NUDT2: variants seen among roughly 807,000 people sequenced by gnomAD.
NUDT2 encodes nudix hydrolase 2, also known as bis(5'-nucleosyl)-tetraphosphatase [asymmetrical].
A neutral mutation model predicts 14.2 loss-of-function variants in NUDT2; 12 were observed. The ratio of observed to expected loss-of-function variants is 0.84; its 90% CI spans 0.54 to 1.37. The LOEUF is 1.37. NUDT2 is among the 40% of genes most tolerant of loss of function. The pLI is 0.00. For missense variants in NUDT2, 167 were observed against 176.7 expected, an observed-to-expected ratio of 0.95 and a Z score of 0.31; for synonymous variants, 67 against 67.4, an observed-to-expected ratio of 0.99 and a Z score of 0.03.
intron 3 of NUDT2, 72 bp downstream of exon 3, chr9:34,338,919 A>T: frequency 2.2e-6 from 2 of 924,862 alleles, no homozygotes; most frequent in Non-Finnish European, 3.2e-6. Context: ...CTATGAGATC[A>T]CAGTTAGCTA....
chr9:34,334,392 A>C (rs1217312447), intron 1 of NUDT2, among the ~76,000 whole-genome samples: 1 of 152,038 alleles, frequency 6.6e-6, no homozygotes, highest in Non-Finnish European at 1.5e-5. Flanking sequence ...TGGAGTTCTC[A>C]CCTCCGCAAT....
At chr9:34,332,985 T>TAGTCACATAGAATTGC (rs373007580) in intron 1 of NUDT2, among the ~76,000 whole-genome samples, 1 of 151,490 alleles carries the variant, frequency 6.6e-6, no homozygotes, top group African/African-American at 2.4e-5. Context: ...GGTGAGGGAG[T>TAGTCACATAGAATTGC]AGTCACATAG....
intron 1 of NUDT2, among the ~76,000 whole-genome samples, chr9:34,331,388 T>G (rs1408011691): frequency 6.6e-6 from 1 of 152,238 alleles, no homozygotes; most frequent in Non-Finnish European, 1.5e-5. Flanking sequence ...AGGTGTTAAC[T>G]TCATTTTACA....
At chr9:34,337,376 T>C (rs919379173) in intron 2 of NUDT2, among the ~76,000 whole-genome samples, 1 of 152,214 alleles carries the variant, frequency 6.6e-6, no homozygotes, top group African/African-American at 2.4e-5. Context: ...TTAGGGAATG[T>C]GCATTTTATG....
chr9:34,342,771 C>T (rs1389539154), intron 4 of NUDT2, among the ~76,000 whole-genome samples: 1 of 152,036 alleles, frequency 6.6e-6, no homozygotes, highest in African/African-American at 2.4e-5. Context: ...AATCCCAACA[C>T]TTTGGGAGGC....
chr9:34,343,195 G>A lies in NUDT2; in HGVS notation c.199G>A (p.Ala67Thr), dbSNP rs150256259. The A allele has an allele frequency of 1.5e-5, 24 of 1,613,988 alleles. No homozygotes were observed. The highest frequency in any genetic ancestry group is 1.9e-5 in the Non-Finnish European group (23 of 1,180,028). ...GACCCAAGAGGAAGCAGGCATAGAA[G>A]CAGGCCAGCTGACCATTATTGAGGG... ...RETQEEAGIE[A>T]GQLTIIEGFK... The change falls in exon 5 of 5, where the codon GCA becomes ACA. Residue 67 changes from alanine to threonine, a missense_variant. Ala to Thr is a moderately conservative substitution (Grantham distance 58). Coordinates refer to ENST00000379158, the MANE Select transcript of NUDT2 (RefSeq NM_001161.5).
chr9:34,331,287 C>T (rs1489278459), intron 1 of NUDT2, among the ~76,000 whole-genome samples: 1 of 152,116 alleles, frequency 6.6e-6, no homozygotes, highest in African/African-American at 2.4e-5. Flanking sequence ...TTATGACACA[C>T]GGGTAACAGT....
intron 4 of NUDT2, among the ~76,000 whole-genome samples, chr9:34,342,179 T>A (rs1820207290): frequency 6.6e-6 from 1 of 152,190 alleles, no homozygotes; most frequent in Non-Finnish European, 1.5e-5. Flanking sequence ...TTAGTCTAAG[T>A]TCCCATCAAG....
At chr9:34,330,548 T>C (rs1282447195) in intron 1 of NUDT2, among the ~76,000 whole-genome samples, 1 of 152,294 alleles carries the variant, frequency 6.6e-6, no homozygotes, top group African/African-American at 2.4e-5. Flanking sequence ...CTCTGAGCTA[T>C]AGTTCCCTTT....
At position 34,338,327 on chromosome 9, in the gene NUDT2, T is replaced by TAAAAAAAAAAAAA. The variant is rs61594121; in HGVS notation, c.-151-368_-151-356dup. Reference sequence around the variant, plus strand: ...GGGCAATATAGTGAGACCCTGTCTCTAAAAAAAAAAAAAAAAAAAAAAAAA... The same window carrying TAAAAAAAAAAAAA: ...GGGCAATATAGTGAGACCCTGTCTCTAAAAAAAAAAAAAAAAAAAAAAAAAAAAAAAAAAAAAA... On this transcript the variant is annotated intron_variant, in intron 2 of 4. Transcript: ENST00000379158. 2.7e-4 allele frequency among the ~76,000 whole-genome samples: 9 copies of TAAAAAAAAAAAAA among 33,736 alleles called. 1 individual carries two copies. Among genetic ancestry groups the TAAAAAAAAAAAAA allele is most frequent in the African/African-American group, 3.3e-4 (2 of 5,976 alleles). The allele number at this position is 33,736 out of a possible 152,430, so 22.1% of individuals were successfully genotyped here.
Position 34,343,274 on chromosome 9 carries a change from A to C in NUDT2, c.278A>C (p.Tyr93Ser). 1 of 1,614,034 alleles carries C rather than the reference A, an allele frequency of 6.2e-7. No individual in the cohort carries two copies. Among genetic ancestry groups the C allele is most frequent in the Non-Finnish European group, 8.5e-7 (1 of 1,180,010 alleles). The change falls in exon 5 of 5, where the codon TAC becomes TCC. Residue 93 changes from tyrosine (Y) to serine (S), a missense_variant. Transcript: ENST00000379158. ...VARNKPKTVIYWLAEVKDYDV... is the reference protein window; with the variant it reads ...VARNKPKTVISWLAEVKDYDV... ...AGGAACAAGCCTAAAACAGTCATTT[A>C]CTGGCTGGCGGAGGTGAAGGACTAT...
At chr9:34,338,997 C>G (rs780709713) in intron 3 of NUDT2, 27 bp from the exon 4 acceptor site, 32 of 1,585,576 alleles carry the variant, frequency 2.0e-5, no homozygotes, top group Non-Finnish European at 2.4e-5. Context: ...GTGTAACTTC[C>G]CAATATTCTG....
rs61594121 is a variant in NUDT2, at chr9:34,338,327, TAAAA to T, written c.-151-359_-151-356del. ...GGGCAATATAGTGAGACCCTGTCTC[TAAAA>T]AAAAAAAAAAAAAAAAAAAAAAAAA... On this transcript the variant is annotated intron_variant, in intron 2 of 4. Coordinates refer to ENST00000379158, the MANE Select transcript of NUDT2 (RefSeq NM_001161.5). Among the ~76,000 whole-genome samples the T allele has an allele frequency of 9.8e-4, 33 of 33,736 alleles. 1 individual carries two copies. The highest frequency in any genetic ancestry group is 5.2e-3 in the South Asian group (2 of 386). The allele number at this position is 33,736 out of a possible 152,430, so 22.1% of individuals were successfully genotyped here.
intron 4 of NUDT2, among the ~76,000 whole-genome samples, chr9:34,339,883 A>G (rs1264821959): frequency 2.0e-5 from 3 of 152,016 alleles, no homozygotes; most frequent in East Asian, 3.9e-4. Flanking sequence ...CTCTGATTTC[A>G]TTTGATCAAT....
At chr9:34,330,667 A>T (rs907434838) in intron 1 of NUDT2, among the ~76,000 whole-genome samples, 1 of 152,172 alleles carries the variant, frequency 6.6e-6, no homozygotes, top group African/African-American at 2.4e-5. Context: ...GTAACTTCTT[A>T]AAAAATGGTA....
intron 1 of NUDT2, among the ~76,000 whole-genome samples, chr9:34,330,490 G>T (rs1006847733): frequency 2.6e-5 from 4 of 151,680 alleles, no homozygotes; most frequent in Non-Finnish European, 5.9e-5. Flanking sequence ...TAAGATCATT[G>T]ATGTTAGGAG....
At chr9:34,338,960 A>AC (rs1838167068) in intron 3 of NUDT2, 64 bp from the exon 4 acceptor site, 6 of 1,408,724 alleles carry the variant, frequency 4.3e-6, no homozygotes, top group Non-Finnish European at 5.9e-6. Flanking sequence ...CCAGATTGCT[A>AC]CCCCCCAGTA....
intron 1 of NUDT2, among the ~76,000 whole-genome samples, chr9:34,330,757 C>A (rs1047813530): frequency 6.6e-6 from 1 of 152,018 alleles, no homozygotes; most frequent in African/African-American, 2.4e-5. Flanking sequence ...GTCAGGAGAT[C>A]GAGACCATCC....
At chr9:34,332,999 T>A (rs1837987911) in intron 1 of NUDT2, among the ~76,000 whole-genome samples, 1 of 152,116 alleles carries the variant, frequency 6.6e-6, no homozygotes, top group Admixed American at 6.5e-5. Context: ...CACATAGAAT[T>A]GCAGTCACAT....
Sources: allele counts gnomAD v4.1 joint callset (sites outside exome capture counted in the v4.1 genomes callset), GRCh38; gene constraint gnomAD v4.1.1; transcripts MANE v1.5; gene names NCBI Gene and HGNC (gene_info 2026-07-23, HGNC 2026-07-21).